Variants in DNAH9 observed in about 807,000 individuals in gnomAD.
DNAH9 encodes the protein DNAH9 variant protein.
A neutral mutation model predicts 471.6 loss-of-function variants in DNAH9; 345 were observed. The observed-to-expected ratio is 0.73, with a 90% CI of 0.67 to 0.80. The LOEUF is 0.80. Among genes scored for constraint, DNAH9 ranks in the 30% least tolerant of loss-of-function variants. The probability of loss-of-function intolerance (pLI) is 0.00; values close to 1 mark genes in which losing one functional copy is unlikely to be tolerated. For missense variants in DNAH9, 5,407 were observed against 5,609.2 expected, an observed-to-expected ratio of 0.96 and a Z score of 1.15; for synonymous variants, 2,093 against 2,123.6, an observed-to-expected ratio of 0.99 and a Z score of 0.40.
chr17:11,949,697 T>G (rs1286231836), intron 67 of DNAH9, among the ~76,000 whole-genome samples: 1 of 152,152 alleles, frequency 6.6e-6, no homozygotes, highest in Non-Finnish European at 1.5e-5. Flanking sequence ...GTCAGGCTGG[T>G]CTCAAACTCC....
At chr17:11,738,844 A>T in intron 28 of DNAH9, 36 bp from the exon 29 acceptor site, 1 of 1,604,794 alleles carries the variant, frequency 6.2e-7, no homozygotes, top group Non-Finnish European at 8.5e-7. Flanking sequence ...CTAAAAGGCA[A>T]TTGAGGAATT....
intron 62 of DNAH9, among the ~76,000 whole-genome samples, 173 bp from the exon 63 acceptor site, chr17:11,929,692 TC>T (rs1179337878): frequency 1.3e-5 from 2 of 152,334 alleles, no homozygotes; most frequent in African/African-American, 4.8e-5. Context: ...CCATTAACTG[TC>T]CACTTAAAAA....
chr17:11,757,034 A>AT (rs199897178), intron 34 of DNAH9, among the ~76,000 whole-genome samples: 36 of 150,560 alleles, frequency 2.4e-4, no homozygotes, highest in Admixed American at 6.6e-4. Flanking sequence ...AGACTGGAAG[A>AT]TTTTTTTTTT....
intron 4 of DNAH9, 111 bp from the exon 5 acceptor site, chr17:11,617,300 C>A (rs777270847): frequency 1.0e-5 from 7 of 689,922 alleles, no homozygotes; most frequent in Non-Finnish European, 1.7e-5. Flanking sequence ...CTGGAACCAG[C>A]CTTCTCTCTG....
intron 66 of DNAH9, 107 bp from the exon 67 acceptor site, chr17:11,942,196 C>A: frequency 1.4e-6 from 2 of 1,441,170 alleles, no homozygotes; most frequent in Non-Finnish European, 1.9e-6. Flanking sequence ...GGTGGAGGGG[C>A]AGCAGACGAT....
intron 62 of DNAH9, among the ~76,000 whole-genome samples, chr17:11,925,008 C>T (rs1974271608): frequency 6.6e-6 from 1 of 152,188 alleles, no homozygotes; most frequent in Admixed American, 6.5e-5. Flanking sequence ...GCCTAATCCT[C>T]TTTTATGCCA....
Position 11,892,717 on chromosome 17 carries a change from A to AT in DNAH9, c.11283+778dup, listed in dbSNP as rs940218729. Reference sequence around the variant, plus strand: ...AGGTGTGCGCCACCAGGCCCAGCGAATTTTTTTTGTATTTTAAGTAGAGAT... The same window carrying AT: ...AGGTGTGCGCCACCAGGCCCAGCGAATTTTTTTTTGTATTTTAAGTAGAGAT... On this transcript the variant is annotated intron_variant, in intron 58 of 68. Transcript: ENST00000262442. The surrounding 1 kb of genome is among the most constrained non-coding windows in gnomAD (Gnocchi z 4.3). Among the ~76,000 whole-genome samples the AT allele has an allele frequency of 4.0e-4, 61 of 151,594 alleles. 1 individual carries two copies. Among genetic ancestry groups the AT allele is most frequent in the Non-Finnish European group, 6.3e-4 (43 of 67,894 alleles).
chr17:11,648,628 C>T (rs985189835), intron 12 of DNAH9, among the ~76,000 whole-genome samples: 2 of 151,642 alleles, frequency 1.3e-5, no homozygotes, highest in African/African-American at 2.4e-5. Flanking sequence ...TAATGTGTAA[C>T]ACATAGGGCA....
chr17:11,624,624 A>C (rs1049275529), intron 6 of DNAH9, among the ~76,000 whole-genome samples: 1 of 152,222 alleles, frequency 6.6e-6, no homozygotes, highest in Non-Finnish European at 1.5e-5. Flanking sequence ...GGAGAGGTGT[A>C]GCTGAGATTT....
intron 8 of DNAH9, among the ~76,000 whole-genome samples, chr17:11,632,931 A>G (rs892418255): frequency 6.6e-5 from 10 of 152,138 alleles, no homozygotes; most frequent in Non-Finnish European, 1.5e-4. Context: ...ATGTAAAAAT[A>G]CTTTTAAGAA....
In DNAH9 at chr17:11,946,199, CAAAAAAAAAAAA is replaced by C. The variant is rs34028612; in HGVS notation, c.12843+3726_12843+3737del. ...TGGGTGACAGAGCAAGAGTCCATCTCAAAAAAAAAAAAAAAAAAAAAAAGAGCCAGATTAGAT... is the reference window on the plus strand; with the variant it reads ...TGGGTGACAGAGCAAGAGTCCATCTCAAAAAAAAAAAGAGCCAGATTAGAT... On this transcript the variant is annotated intron_variant, in intron 67 of 68. Transcript: ENST00000262442. Among the ~76,000 whole-genome samples, 227 of 47,364 alleles carry C rather than the reference CAAAAAAAAAAAA, an allele frequency of 4.8e-3. 2 individuals are homozygous for C. Among genetic ancestry groups the C allele is most frequent in the African/African-American group, 0.017 (209 of 12,238 alleles). The allele number at this position is 47,364 out of a possible 152,430, so 31.1% of individuals were successfully genotyped here. A position where few individuals can be genotyped will look rare whatever the true frequency, so the allele number is the denominator to read the frequency against.
chr17:11,763,436 G>A lies in DNAH9; in HGVS notation c.6996-4G>A, dbSNP rs1967800014. ...TTCAGATCCCCTCGGGTCTCTCTTT[G>A]CAGGTTTAAGAAGATCATTCCCATC... On this transcript the variant is annotated splice_polypyrimidine_tract_variant and splice_region_variant and intron_variant, in intron 35 of 68. Coordinates refer to ENST00000262442, the MANE Select transcript of DNAH9 (RefSeq NM_001372.4). 1 of 1,613,272 alleles carries A rather than the reference G, an allele frequency of 6.2e-7. No homozygotes were observed. The highest frequency in any genetic ancestry group is 2.2e-5 in the East Asian group (1 of 44,868).
chr17:11,790,390 C>G (rs1252231917), intron 41 of DNAH9, among the ~76,000 whole-genome samples: 1 of 151,904 alleles, frequency 6.6e-6, no homozygotes, highest in African/African-American at 2.4e-5. Context: ...GTATATCTTC[C>G]TAGCAGACTG....
intron 41 of DNAH9, among the ~76,000 whole-genome samples, chr17:11,789,750 AT>A (rs1255258580): frequency 6.6e-6 from 1 of 151,778 alleles, no homozygotes; most frequent in East Asian, 1.9e-4. Context: ...AGTTTGTTCT[AT>A]TTCTAACTTC....
At chr17:11,753,427 G>A (rs1184697156) in intron 33 of DNAH9, among the ~76,000 whole-genome samples, 1 of 152,148 alleles carries the variant, frequency 6.6e-6, no homozygotes, top group Non-Finnish European at 1.5e-5. Flanking sequence ...CACCCTGGGA[G>A]GCCAAGGCGG....
At chr17:11,807,676 C>T (rs2150924687) in intron 43 of DNAH9, 56 bp from the exon 44 acceptor site, 1 of 1,553,522 alleles carries the variant, frequency 6.4e-7, no homozygotes, top group Non-Finnish European at 8.8e-7. Flanking sequence ...TTTATACATG[C>T]TTCTGACTGC....
intron 33 of DNAH9, among the ~76,000 whole-genome samples, chr17:11,755,884 G>A (rs182600740): frequency 8.0e-4 from 122 of 152,284 alleles, no homozygotes; most frequent in African/African-American, 2.5e-3. Context: ...ACAGTTCCAC[G>A]TAAATGAGGA....
chr17:11,776,349 C>T (rs1468192671), intron 38 of DNAH9, among the ~76,000 whole-genome samples: 1 of 136,724 alleles, frequency 7.3e-6, no homozygotes, highest in African/African-American at 2.9e-5. Context: ...ATCACATCTG[C>T]ATTCAAAAAA....
At chr17:11,941,586 G>A (rs998959560) in intron 66 of DNAH9, among the ~76,000 whole-genome samples, 47 of 152,246 alleles carry the variant, frequency 3.1e-4, no homozygotes, top group Middle Eastern at 3.4e-3. Context: ...GAAAAGAATC[G>A]TGGGGTACAA....
Sources: allele counts gnomAD v4.1 joint callset (sites outside exome capture counted in the v4.1 genomes callset), GRCh38; gene constraint gnomAD v4.1.1; non-coding constraint Gnocchi (gnomAD v3.1); transcripts MANE v1.5; gene names NCBI Gene and HGNC (gene_info 2026-07-23, HGNC 2026-07-21).